The following FRMD3 variants were observed in gnomAD, a reference collection of about 807,000 sequenced individuals.
The protein encoded by FRMD3 is FERM domain-containing protein 3.
FRMD3 carries 33 observed loss-of-function variants against 70.2 expected under a neutral mutation model. The observed-to-expected ratio is 0.47, with a 90% confidence interval of 0.36 to 0.63. The LOEUF is 0.63. FRMD3 is among the 20% of genes least tolerant of loss of function. The pLI is 0.00. For synonymous variants in FRMD3, 279 were observed against 255.9 expected, an observed-to-expected ratio of 1.09 and a Z score of -0.86; for missense variants, 632 against 711.4, an observed-to-expected ratio of 0.89 and a Z score of 1.27.
intron 1 of FRMD3, among the ~76,000 whole-genome samples, chr9:83,422,937 C>A (rs1826686582): frequency 1.3e-5 from 2 of 152,154 alleles, no homozygotes; most frequent in East Asian, 3.9e-4. Context: ...GCTTAGGCCA[C>A]CAGGCCAGGG....
chr9:83,583,248 T>C, the FRMD3 span, among the ~76,000 whole-genome samples: 1 of 152,222 alleles, frequency 6.6e-6, no homozygotes, highest in East Asian at 1.9e-4. Flanking sequence ...ACATGCTGAC[T>C]ACATTTCATT....
intron 1 of FRMD3, among the ~76,000 whole-genome samples, chr9:83,447,597 C>A (rs1827519050): frequency 6.6e-6 from 1 of 152,120 alleles, no homozygotes; most frequent in African/African-American, 2.4e-5. Context: ...TGGCAGCGAC[C>A]CGGCCACCGA....
intron 1 of FRMD3, among the ~76,000 whole-genome samples, chr9:83,458,073 C>T (rs1019107440): frequency 1.3e-5 from 2 of 150,486 alleles, no homozygotes; most frequent in Admixed American, 1.3e-4. Context: ...CAAGTGAATC[C>T]TGTCAAGTTG....
chr9:83,356,509 T>C (rs1824348979), intron 3 of FRMD3, among the ~76,000 whole-genome samples: 1 of 151,542 alleles, frequency 6.6e-6, no homozygotes, highest in Non-Finnish European at 1.5e-5. Flanking sequence ...ATCTCCTGAC[T>C]TCGTGATCCG....
intron 13 of FRMD3, among the ~76,000 whole-genome samples, chr9:83,263,801 C>A (rs543357464): frequency 6.6e-6 from 1 of 152,112 alleles, no homozygotes; most frequent in Non-Finnish European, 1.5e-5. Context: ...TGGAAAGTAT[C>A]ATTCAAAATA....
intron 1 of FRMD3, among the ~76,000 whole-genome samples, chr9:83,458,196 T>C (rs1199628876): frequency 6.6e-6 from 1 of 152,148 alleles, no homozygotes; most frequent in African/African-American, 2.4e-5. Flanking sequence ...TAATAGATGA[T>C]AAGTGGCTTT....
intron 2 of FRMD3, among the ~76,000 whole-genome samples, chr9:83,383,031 C>T (rs182912511): frequency 3.3e-5 from 5 of 152,244 alleles, no homozygotes; most frequent in South Asian, 2.1e-4. Context: ...TCTAAGCAGC[C>T]GTGTAAGAAG....
chr9:83,550,834 G>C, the FRMD3 span, among the ~76,000 whole-genome samples: 1 of 151,944 alleles, frequency 6.6e-6, no homozygotes, highest in Non-Finnish European at 1.5e-5. Context: ...TTTGTATCCT[G>C]GAATTTTGCT....
chr9:83,316,148 C>CTT (rs369641019), intron 6 of FRMD3, among the ~76,000 whole-genome samples: 74 of 134,376 alleles, frequency 5.5e-4, no homozygotes, highest in Middle Eastern at 3.9e-3. Flanking sequence ...TCTTTTTTCT[C>CTT]TTTTTTTTTT....
At chr9:83,378,760 TTTATA>T (rs1564047802) in intron 2 of FRMD3, among the ~76,000 whole-genome samples, 1 of 116,484 alleles carries the variant, frequency 8.6e-6, no homozygotes, top group East Asian at 2.1e-4. Flanking sequence ...TAATATATAA[TTTATA>T]TTATATATAA....
At chr9:83,278,165 C>T (rs1833856060) in intron 13 of FRMD3, among the ~76,000 whole-genome samples, 1 of 152,134 alleles carries the variant, frequency 6.6e-6, no homozygotes. Flanking sequence ...GAGAGAAGAC[C>T]CTCCTGGGTG....
the FRMD3 span, among the ~76,000 whole-genome samples, chr9:83,544,353 G>GGCTTGT: frequency 2.0e-5 from 3 of 152,078 alleles, no homozygotes; most frequent in Admixed American, 6.5e-5. Flanking sequence ...ACCCCATCAG[G>GGCTTGT]GCTTGTGCTT....
At chr9:83,564,320 C>T in the FRMD3 span, among the ~76,000 whole-genome samples, 1 of 152,268 alleles carries the variant, frequency 6.6e-6, no homozygotes, top group Admixed American at 6.5e-5. Flanking sequence ...TGTAGTCCAC[C>T]TAACTAGGAA....
Position 83,343,281 on chromosome 9 carries a change from A to G in FRMD3, c.381T>C (p.Leu127=). 1.2e-6 allele frequency: 2 copies of G among 1,609,384 alleles called. No homozygotes were observed. Among genetic ancestry groups the G allele is most frequent in the Middle Eastern group, 1.7e-4 (1 of 6,056 alleles). Reference sequence around the variant, plus strand: ...TGTCCCTTTTAATCTGAAGGTATAAAAGGTATCTGCAATACAAAAGGAGAA... The same window carrying G: ...TGTCCCTTTTAATCTGAAGGTATAAGAGGTATCTGCAATACAAAAGGAGAA... ...LKIKEELTRY[L]LYLQIKRDIF... The change falls in exon 5 of 14, where the codon CTT becomes CTC. Residue 127 remains leucine (L), a synonymous_variant. Transcript: ENST00000304195.
intron 2 of FRMD3, among the ~76,000 whole-genome samples, chr9:83,375,046 T>C (rs1311337282): frequency 6.6e-6 from 1 of 152,228 alleles, no homozygotes; most frequent in African/African-American, 2.4e-5. Context: ...TTGCCTAACT[T>C]GATCCTGCTT....
downstream of FRMD3, among the ~76,000 whole-genome samples, chr9:83,243,619 A>C (rs1831951890): frequency 6.6e-6 from 1 of 152,144 alleles, no homozygotes; most frequent in Non-Finnish European, 1.5e-5. Flanking sequence ...TGGAGTCAGA[A>C]CTATAGGTCC....
intron 3 of FRMD3, among the ~76,000 whole-genome samples, chr9:83,368,958 G>A (rs1330442426): frequency 2.6e-5 from 4 of 151,528 alleles, no homozygotes; most frequent in South Asian, 2.1e-4. Context: ...TGGTTCAAGC[G>A]ATTCTCCTGC....
intron 1 of FRMD3, among the ~76,000 whole-genome samples, chr9:83,485,342 G>T (rs989569873): frequency 2.6e-5 from 4 of 152,188 alleles, no homozygotes; most frequent in Non-Finnish European, 5.9e-5. Context: ...AAATAATTCA[G>T]CAAGCACATG....
chr9:83,352,623 C>T (rs534943702), intron 3 of FRMD3, among the ~76,000 whole-genome samples: 62 of 152,304 alleles, frequency 4.1e-4, no homozygotes, highest in South Asian at 6.2e-4. Flanking sequence ...GAAGATGACA[C>T]TTGTGGGCCT....
Sources: allele counts gnomAD v4.1 joint callset (sites outside exome capture counted in the v4.1 genomes callset), GRCh38; gene constraint gnomAD v4.1.1; transcripts MANE v1.5; gene names NCBI Gene and HGNC (gene_info 2026-07-23, HGNC 2026-07-21).